FCHSD2: variants seen among roughly 807,000 people sequenced by gnomAD.
FCHSD2 encodes F-BAR and double SH3 domains protein 2.
In FCHSD2, 38 loss-of-function variants were observed where a neutral mutation model predicts 108.1. The ratio of observed to expected loss-of-function variants is 0.35; its 90% CI spans 0.27 to 0.46. The LOEUF (loss-of-function observed/expected upper bound fraction) is 0.46. Ranked by LOEUF, FCHSD2 falls within the 20% of genes least tolerant of loss-of-function variation. FCHSD2 has a pLI of 1.00. For missense variants in FCHSD2, 751 were observed against 897.8 expected, an observed-to-expected ratio of 0.84 and a Z score of 2.09; for synonymous variants, 279 against 314.7, an observed-to-expected ratio of 0.89 and a Z score of 1.20.
At chr11:72,929,986 C>CA (rs1310825286) in intron 8 of FCHSD2, among the ~76,000 whole-genome samples, 1 of 152,124 alleles carries the variant, frequency 6.6e-6, no homozygotes, top group East Asian at 1.9e-4. Context: ...AGAGGGAAAG[C>CA]ACCAAAGAAA....
intron 8 of FCHSD2, among the ~76,000 whole-genome samples, chr11:72,965,233 T>C (rs553298311): frequency 2.2e-4 from 34 of 152,334 alleles, no homozygotes; most frequent in African/African-American, 8.2e-4. Context: ...CATTATACTG[T>C]AGAAATATTG....
intron 8 of FCHSD2, among the ~76,000 whole-genome samples, chr11:72,924,110 A>G (rs1226094417): frequency 6.6e-6 from 1 of 151,704 alleles, no homozygotes; most frequent in Non-Finnish European, 1.5e-5. Context: ...CAAAAGTTTT[A>G]CTTTTTTAAA....
At chr11:73,045,203 T>C (rs1292615729) in intron 3 of FCHSD2, among the ~76,000 whole-genome samples, 8 of 151,894 alleles carry the variant, frequency 5.3e-5, no homozygotes, top group African/African-American at 9.7e-5. Flanking sequence ...AAATGCAAAT[T>C]AAAACCACAA....
At chr11:72,912,255 A>G (rs1490163443) in intron 9 of FCHSD2, among the ~76,000 whole-genome samples, 2 of 152,226 alleles carry the variant, frequency 1.3e-5, no homozygotes, top group Admixed American at 1.3e-4. Flanking sequence ...GTTTTTCTCC[A>G]TTCAATATGA....
chr11:72,933,991 C>T (rs1249184324), intron 8 of FCHSD2, among the ~76,000 whole-genome samples: 3 of 151,542 alleles, frequency 2.0e-5, no homozygotes, highest in East Asian at 2.0e-4. Flanking sequence ...TGGCTGTAGT[C>T]CCAGCTATTC....
chr11:72,957,184 TCCCCCCA>T (rs1198894079), intron 8 of FCHSD2, among the ~76,000 whole-genome samples: 1 of 59,562 alleles, frequency 1.7e-5, no homozygotes, highest in Non-Finnish European at 3.0e-5. Flanking sequence ...CCCTCCCCCC[TCCCCCCA>T]CCCCACCACA....
intron 8 of FCHSD2, among the ~76,000 whole-genome samples, chr11:72,963,277 C>A (rs2135375379): frequency 6.6e-6 from 1 of 152,262 alleles, no homozygotes; most frequent in Non-Finnish European, 1.5e-5. Flanking sequence ...GACTACTTTT[C>A]CATTTACTAT....
intron 3 of FCHSD2, among the ~76,000 whole-genome samples, chr11:73,072,400 C>T (rs548662208): frequency 6.6e-6 from 1 of 151,828 alleles, no homozygotes; most frequent in South Asian, 2.1e-4. Flanking sequence ...AGTTTAAAAA[C>T]TTAATTAAAT....
chr11:72,958,708 C>A (rs1389988773), intron 8 of FCHSD2, among the ~76,000 whole-genome samples: 1 of 152,158 alleles, frequency 6.6e-6, no homozygotes, highest in Non-Finnish European at 1.5e-5. Flanking sequence ...GGTCTCTTAT[C>A]TCCTTCCCAA....
At chr11:72,865,953 C>G (rs537133734) in intron 13 of FCHSD2, among the ~76,000 whole-genome samples, 1 of 152,192 alleles carries the variant, frequency 6.6e-6, no homozygotes, top group South Asian at 2.1e-4. Flanking sequence ...GGAGGGAGAC[C>G]AAGTTTTGTT....
At chr11:73,130,792 T>C (rs1199620241) in intron 2 of FCHSD2, among the ~76,000 whole-genome samples, 2 of 152,248 alleles carry the variant, frequency 1.3e-5, no homozygotes, top group South Asian at 2.1e-4. Flanking sequence ...TGGAAGTATA[T>C]ATTTACATTT....
intron 3 of FCHSD2, among the ~76,000 whole-genome samples, chr11:73,036,681 T>G (rs1247977578): frequency 6.6e-6 from 1 of 152,184 alleles, no homozygotes; most frequent in East Asian, 1.9e-4. Flanking sequence ...CAATGAGTAA[T>G]AGGTAATTTT....
At chr11:73,111,184 C>A (rs932785531) in intron 2 of FCHSD2, among the ~76,000 whole-genome samples, 5 of 152,094 alleles carry the variant, frequency 3.3e-5, no homozygotes, top group African/African-American at 1.2e-4. Flanking sequence ...CTACCAGGTC[C>A]ATTCGGTCTA....
chr11:73,078,636 TA>T (rs138510554), intron 3 of FCHSD2, among the ~76,000 whole-genome samples: 442 of 142,354 alleles, frequency 3.1e-3, no homozygotes, highest in African/African-American at 5.3e-3. Flanking sequence ...ACTATTCTGA[TA>T]AAAAAAAAAA....
At chr11:72,845,083 C>A (rs1464281069) in intron 14 of FCHSD2, among the ~76,000 whole-genome samples, 2 of 152,048 alleles carry the variant, frequency 1.3e-5, no homozygotes, top group Non-Finnish European at 2.9e-5. Flanking sequence ...TGACAGCAAA[C>A]CAGGGAGGTA....
Position 73,142,048 on chromosome 11 carries a change from C to T in FCHSD2, c.-171G>A, listed in dbSNP as rs2135583875. On this transcript the variant is annotated 5_prime_UTR_variant, in exon 1 of 20. Coordinates refer to ENST00000409418, the MANE Select transcript of FCHSD2 (RefSeq NM_014824.3). The stretch of plus-strand genomic sequence containing the variant: ...CAGGCCAGCGGGCGGCAGGCGGACC[C>T]CAGCCAGAGAGCGAGTGTGAGGAGA... 1.6e-6 allele frequency: 1 copy of T among 610,876 alleles called. No homozygotes were observed. Among genetic ancestry groups the T allele is most frequent in the East Asian group, 3.1e-5 (1 of 32,104 alleles). The allele number at this position is 610,876 out of a possible 1,614,324, so 37.8% of individuals were successfully genotyped here.
At chr11:72,941,716 G>T (rs1378801753) in intron 8 of FCHSD2, among the ~76,000 whole-genome samples, 2 of 152,098 alleles carry the variant, frequency 1.3e-5, no homozygotes, top group African/African-American at 4.8e-5. Flanking sequence ...AGGGTGCAAG[G>T]ATAGGCACTT....
intron 3 of FCHSD2, among the ~76,000 whole-genome samples, chr11:73,017,182 C>T (rs1857992619): frequency 6.6e-6 from 1 of 152,084 alleles, no homozygotes; most frequent in Non-Finnish European, 1.5e-5. Flanking sequence ...CAGTGTTTCG[C>T]CATGTTGCCC....
intron 9 of FCHSD2, among the ~76,000 whole-genome samples, chr11:72,914,528 G>A (rs1855831544): frequency 1.3e-5 from 2 of 152,056 alleles, no homozygotes; most frequent in Non-Finnish European, 2.9e-5. Flanking sequence ...CATGGTACTA[G>A]TACAACAGAC....
Sources: allele counts gnomAD v4.1 joint callset (sites outside exome capture counted in the v4.1 genomes callset), GRCh38; gene constraint gnomAD v4.1.1; transcripts MANE v1.5; gene names NCBI Gene and HGNC (gene_info 2026-07-23, HGNC 2026-07-21).